The following RUNX1 variants were observed in gnomAD, a reference collection of about 807,000 sequenced individuals.
The protein encoded by RUNX1 is RUNX family transcription factor 1.
In RUNX1, 19 loss-of-function variants were observed where a neutral mutation model predicts 42.8. The observed-to-expected ratio is 0.44, with a 90% CI of 0.31 to 0.65. The LOEUF is 0.65. Among genes scored for constraint, RUNX1 ranks in the 30% least tolerant of loss-of-function variants. RUNX1 has a pLI of 0.07. For missense variants in RUNX1, 528 were observed against 672.0 expected (o/e 0.79, Z 2.37); for synonymous variants, 271 against 289.4 (o/e 0.94, Z 0.64).
rs79015999 is a variant in RUNX1 at position 34,864,587 on chromosome 21, T to C, written c.509-5009A>G. Among the ~76,000 whole-genome samples the C allele has an allele frequency of 1.1e-3, 164 of 152,328 alleles. 5 individuals are homozygous for C. In the East Asian group the frequency reaches 0.028, roughly 26 times the overall value. On this transcript the variant is annotated intron_variant, in intron 5 of 8. Coordinates refer to ENST00000675419, the MANE Select transcript of RUNX1 (RefSeq NM_001754.5). ...CCAGCACTGATCCTGTGTGTGCTGCTGGAAGTCGGCAGCTCTTGGTTCCAG... is the reference window on the plus strand; with the variant it reads ...CCAGCACTGATCCTGTGTGTGCTGCCGGAAGTCGGCAGCTCTTGGTTCCAG...
chr21:34,871,126 G>A (rs757427589), intron 5 of RUNX1, among the ~76,000 whole-genome samples: 1 of 152,116 alleles, frequency 6.6e-6, no homozygotes, highest in Non-Finnish European at 1.5e-5. Flanking sequence ...CGGGGCTCCT[G>A]AGCACATCTT....
intron 6 of RUNX1, among the ~76,000 whole-genome samples, chr21:34,847,619 A>ATCT (rs1359050725): frequency 6.6e-6 from 1 of 152,168 alleles, no homozygotes; most frequent in Non-Finnish European, 1.5e-5. Context: ...TATTATTCCC[A>ATCT]TCTTATAGAT....
intron 2 of RUNX1, among the ~76,000 whole-genome samples, chr21:34,917,724 C>T (rs562935288): frequency 6.6e-6 from 1 of 152,262 alleles, no homozygotes; most frequent in East Asian, 1.9e-4. Flanking sequence ...GAATGTGGGG[C>T]TTGGTCAGTA....
chr21:34,826,441 T>C (rs1047668773), intron 7 of RUNX1, among the ~76,000 whole-genome samples: 10 of 141,034 alleles, frequency 7.1e-5, no homozygotes, highest in African/African-American at 2.3e-4. Context: ...TTTCTTTTTT[T>C]TTTTTTTTTT....
At chr21:35,048,762 C>T (rs2059418358) in intron 2 of RUNX1, 80 bp downstream of exon 2, 5 of 1,205,028 alleles carry the variant, frequency 4.1e-6, no homozygotes, top group Non-Finnish European at 5.0e-6. Flanking sequence ...GGCATCTCTG[C>T]ACCGAGGTGA....
At chr21:35,025,937 A>G (rs1285099876) in intron 2 of RUNX1, among the ~76,000 whole-genome samples, 3 of 152,086 alleles carry the variant, frequency 2.0e-5, no homozygotes, top group Non-Finnish European at 2.9e-5. Flanking sequence ...ATGAGTATGG[A>G]CTGTTTCTAC....
In RUNX1 at chr21:34,816,514, T is replaced by C. The variant is rs987581887; in HGVS notation, c.806-17052A>G. On this transcript the variant is annotated intron_variant, in intron 7 of 8. Transcript: ENST00000675419. ...CAGTTGGTGAAGCGTCACTCAAACA[T>C]GCAGCCTATCTGGTAACAGCAGAAG... 2.0e-5 allele frequency among the ~76,000 whole-genome samples: 3 copies of C among 152,084 alleles called. No individual in the cohort carries two copies. The East Asian group carries it at 5.8e-4, about 29-fold the overall frequency.
At chr21:34,966,793 T>C (rs1487465116) in intron 2 of RUNX1, among the ~76,000 whole-genome samples, 1 of 152,226 alleles carries the variant, frequency 6.6e-6, no homozygotes, top group Non-Finnish European at 1.5e-5. Flanking sequence ...ATGTTGTATC[T>C]ACATTAATTT....
chr21:35,031,682 T>C (rs1211337001), intron 2 of RUNX1, among the ~76,000 whole-genome samples: 1 of 152,122 alleles, frequency 6.6e-6, no homozygotes, highest in Non-Finnish European at 1.5e-5. Context: ...GGAGTACTAT[T>C]AAGCCTTAAA....
intron 2 of RUNX1, among the ~76,000 whole-genome samples, chr21:35,004,764 G>A (rs1009782438): frequency 5.3e-5 from 8 of 152,210 alleles, no homozygotes; most frequent in Non-Finnish European, 7.3e-5. Flanking sequence ...GGGCTCACAA[G>A]AGAGGCAGCT....
intron 2 of RUNX1, among the ~76,000 whole-genome samples, chr21:34,919,735 T>A (rs779485506): frequency 1.3e-5 from 2 of 152,248 alleles, no homozygotes; most frequent in Non-Finnish European, 2.9e-5. Flanking sequence ...TTTTGGTAAC[T>A]GATGCTTGAT....
At chr21:35,026,077 A>C (rs2059234152) in intron 2 of RUNX1, among the ~76,000 whole-genome samples, 1 of 151,930 alleles carries the variant, frequency 6.6e-6, no homozygotes, top group Non-Finnish European at 1.5e-5. Context: ...GACTCAATCA[A>C]CCCCAACAGG....
At chr21:34,946,439 A>G (rs1006767720) in intron 2 of RUNX1, among the ~76,000 whole-genome samples, 25 of 151,990 alleles carry the variant, frequency 1.6e-4, no homozygotes, top group African/African-American at 6.0e-4. Flanking sequence ...CCTCCTTCAC[A>G]CTTCTGCACT....
At position 34,791,474 on chromosome 21, in the gene RUNX1, A is replaced by T. The variant is rs1601330393; in HGVS notation, c.*661T>A. The T allele has an allele frequency of 2.1e-5, 5 of 232,764 alleles. No homozygotes were observed. In the South Asian group the frequency reaches 9.1e-4, roughly 42 times the overall value. 14.4% of individuals were successfully genotyped at this position (232,764 alleles called of 1,614,324 possible). On this transcript the variant is annotated 3_prime_UTR_variant, in exon 9 of 9. Transcript: ENST00000675419. ...AAACAAAAAAAAACAACTACCCAAAAGTCCAAAAGAAAAGTTAAATAAAAC... is the reference window on the plus strand; with the variant it reads ...AAACAAAAAAAAACAACTACCCAAATGTCCAAAAGAAAAGTTAAATAAAAC...
intron 2 of RUNX1, among the ~76,000 whole-genome samples, chr21:34,925,830 C>A (rs371004345): frequency 6.6e-6 from 1 of 152,008 alleles, no homozygotes; most frequent in Non-Finnish European, 1.5e-5. Flanking sequence ...ATAATTGGTA[C>A]GTAAATGTTG....
chr21:34,977,215 A>T (rs1056819934), intron 2 of RUNX1, among the ~76,000 whole-genome samples: 1 of 152,246 alleles, frequency 6.6e-6, no homozygotes, highest in African/African-American at 2.4e-5. Flanking sequence ...TTTGAAAAAT[A>T]AGAGTAGTCT....
At chr21:34,906,985 C>A (rs2058225508) in intron 2 of RUNX1, among the ~76,000 whole-genome samples, 1 of 152,206 alleles carries the variant, frequency 6.6e-6, no homozygotes, top group Non-Finnish European at 1.5e-5. Flanking sequence ...TTTGTGGGAG[C>A]AGCCCCAATT....
At chr21:34,902,352 T>C (rs2058183947) in intron 2 of RUNX1, among the ~76,000 whole-genome samples, 1 of 152,156 alleles carries the variant, frequency 6.6e-6, no homozygotes, top group Admixed American at 6.5e-5. Context: ...GGTAGGTCTA[T>C]GTTAGACCTT....
chr21:35,015,309 T>C (rs977194117), intron 2 of RUNX1, among the ~76,000 whole-genome samples: 1 of 152,230 alleles, frequency 6.6e-6, no homozygotes, highest in Non-Finnish European at 1.5e-5. Flanking sequence ...TAATAATTAA[T>C]AATTCTTCTT....
Sources: allele counts gnomAD v4.1 joint callset (sites outside exome capture counted in the v4.1 genomes callset), GRCh38; gene constraint gnomAD v4.1.1; transcripts MANE v1.5; gene names NCBI Gene and HGNC (gene_info 2026-07-23, HGNC 2026-07-21).